S100Z: variants seen among roughly 807,000 people sequenced by gnomAD.
S100Z encodes the protein protein S100-Z.
In S100Z, 11 loss-of-function variants were observed where a neutral mutation model predicts 8.5. The observed-to-expected ratio is 1.30, with a 90% confidence interval of 0.82 to 2.15. The LOEUF (loss-of-function observed/expected upper bound fraction) is 2.15, where lower values mean the gene tolerates loss of function less well. S100Z is among the 30% of genes most tolerant of loss of function. The probability of loss-of-function intolerance (pLI) is 0.00; values close to 1 mark genes in which losing one functional copy is unlikely to be tolerated. For missense variants in S100Z, 126 were observed against 117.9 expected, an observed-to-expected ratio of 1.07 and a Z score of -0.32; for synonymous variants, 34 against 43.8, an observed-to-expected ratio of 0.78 and a Z score of 0.89.
intron 4 of S100Z, among the ~76,000 whole-genome samples, chr5:76,918,505 T>G (rs1330262541): frequency 1.3e-5 from 2 of 152,156 alleles, no homozygotes; most frequent in African/African-American, 4.8e-5. Context: ...CTGTGCCCAG[T>G]AGAATAAGGG....
chr5:76,941,234 A>G, the S100Z span, among the ~76,000 whole-genome samples: 26 of 152,296 alleles, frequency 1.7e-4, 2 homozygotes, highest in Middle Eastern at 0.014. Flanking sequence ...TCCTTTTACA[A>G]TGTCAAAGTG....
chr5:76,914,884 C>T (rs996642411), intron 4 of S100Z, among the ~76,000 whole-genome samples: 8 of 152,088 alleles, frequency 5.3e-5, no homozygotes, highest in South Asian at 2.1e-4. Context: ...GAAGAAACTC[C>T]GGATACATCT....
chr5:76,890,647 C>T (rs1333987316), intron 4 of S100Z, among the ~76,000 whole-genome samples: 2 of 151,916 alleles, frequency 1.3e-5, no homozygotes, highest in Non-Finnish European at 2.9e-5. Context: ...GACCCGGTCT[C>T]AAAAACAAAC....
intron 4 of S100Z, among the ~76,000 whole-genome samples, chr5:76,878,827 G>A (rs1043085182): frequency 6.6e-6 from 1 of 152,184 alleles, no homozygotes. Context: ...AAGAGAAGCA[G>A]CTGAATTGGT....
At chr5:76,850,966 C>T (rs766574141) in intron 1 of S100Z, among the ~76,000 whole-genome samples, 157 of 152,206 alleles carry the variant, frequency 1.0e-3, no homozygotes, top group Middle Eastern at 3.4e-3. Flanking sequence ...TCCCCAGCCT[C>T]CTCATGGGAT....
intron 4 of S100Z, among the ~76,000 whole-genome samples, chr5:76,911,972 C>T (rs1744678529): frequency 6.6e-6 from 1 of 152,178 alleles, no homozygotes; most frequent in South Asian, 2.1e-4. Context: ...GCAGGGCTAG[C>T]TCTTGGAGTC....
chr5:76,924,914 A>G (rs1272110823), downstream of S100Z, among the ~76,000 whole-genome samples: 3 of 16,080 alleles, frequency 1.9e-4, no homozygotes. Context: ...CTCTGTCTCA[A>G]AAAAAAAAAA....
chr5:76,945,859 T>C, the S100Z span, among the ~76,000 whole-genome samples: 3 of 152,190 alleles, frequency 2.0e-5, no homozygotes, highest in Non-Finnish European at 2.9e-5. Context: ...TCTTTCTCTA[T>C]ACTTTGTCTC....
chr5:76,858,936 T>C (rs112584434), intron 1 of S100Z, among the ~76,000 whole-genome samples: 29 of 151,856 alleles, frequency 1.9e-4, no homozygotes, highest in African/African-American at 6.3e-4. Context: ...CATGGTGAAG[T>C]GTTGTCTCTA....
chr5:76,919,075 T>G (rs1384599256), intron 4 of S100Z, among the ~76,000 whole-genome samples: 7 of 152,248 alleles, frequency 4.6e-5, no homozygotes, highest in Non-Finnish European at 1.0e-4. Flanking sequence ...CCACAGTTCA[T>G]TTATCTAATT....
At chr5:76,898,696 T>C (rs1303623675) in intron 4 of S100Z, among the ~76,000 whole-genome samples, 2 of 152,162 alleles carry the variant, frequency 1.3e-5, no homozygotes, top group Non-Finnish European at 2.9e-5. Context: ...TTGAATTTGG[T>C]TTGCCAGCAT....
chr5:76,864,679 T>C (rs543295851), intron 1 of S100Z, among the ~76,000 whole-genome samples: 41 of 150,154 alleles, frequency 2.7e-4, no homozygotes, highest in Middle Eastern at 3.8e-3. Flanking sequence ...GCTGGGATTA[T>C]AGGCGTGAGC....
intron 2 of S100Z, among the ~76,000 whole-genome samples, chr5:76,874,267 T>C (rs1743104683): frequency 6.6e-6 from 1 of 152,118 alleles, no homozygotes; most frequent in Admixed American, 6.5e-5. Context: ...TTGTCCTTGC[T>C]ATTGGCTTTG....
At chr5:76,890,578 G>T (rs978888783) in intron 4 of S100Z, among the ~76,000 whole-genome samples, 2 of 152,058 alleles carry the variant, frequency 1.3e-5, no homozygotes, top group Admixed American at 6.6e-5. Flanking sequence ...TGAGCCCAGG[G>T]GTTTGAGGCT....
intron 4 of S100Z, among the ~76,000 whole-genome samples, chr5:76,880,126 T>C (rs1743342092): frequency 6.6e-6 from 1 of 152,138 alleles, no homozygotes; most frequent in Non-Finnish European, 1.5e-5. Context: ...ATGGGGAGAA[T>C]TGCAAAGAAC....
In S100Z at chr5:76,875,443, G is replaced by A. The variant is rs1345266454; in HGVS notation, c.84G>A (p.Lys28=). 1.9e-6 allele frequency: 3 copies of A among 1,612,896 alleles called. No homozygotes were observed. The African/African-American group carries it at 4.0e-5, about 22-fold the overall frequency. Reference sequence around the variant, plus strand: ...CTGGCAAGGAAAGGAAGAGATTCAAGCTCAGCAAGGGGGAACTGAAACTGC... The same window carrying A: ...CTGGCAAGGAAAGGAAGAGATTCAAACTCAGCAAGGGGGAACTGAAACTGC... ...RYSGKERKRF[K]LSKGELKLLL... Residue 28 remains lysine, a synonymous_variant, in exon 3 of 5, where the codon AAG becomes AAA. Coordinates refer to ENST00000317593, the MANE Select transcript of S100Z (RefSeq NM_130772.4).
intron 4 of S100Z, among the ~76,000 whole-genome samples, chr5:76,886,143 A>G (rs1400649556): frequency 1.3e-5 from 2 of 152,148 alleles, no homozygotes; most frequent in Non-Finnish European, 1.5e-5. Flanking sequence ...GCTTGCCGCT[A>G]AGGGTGAAGG....
downstream of S100Z, among the ~76,000 whole-genome samples, chr5:76,923,522 G>C (rs774313269): frequency 1.3e-5 from 2 of 152,134 alleles, no homozygotes; most frequent in Non-Finnish European, 2.9e-5. Context: ...CACCCCAATG[G>C]GGGAGGGCAG....
intron 4 of S100Z, among the ~76,000 whole-genome samples, chr5:76,899,376 T>C (rs575896989): frequency 6.6e-6 from 1 of 152,126 alleles, no homozygotes; most frequent in Non-Finnish European, 1.5e-5. Context: ...GACTTACTCC[T>C]ACCATTTTGC....
Sources: gnomAD v4.1 joint callset for allele counts (sites outside exome capture counted in the v4.1 genomes callset) on GRCh38, gnomAD v4.1.1 for gene constraint, MANE v1.5 for transcripts, NCBI Gene and HGNC (gene_info 2026-07-23, HGNC 2026-07-21) for gene names.